The following PDE3A variants were observed in gnomAD, a reference collection of about 807,000 sequenced individuals.
The protein encoded by PDE3A is cGMP-inhibited 3',5'-cyclic phosphodiesterase 3A.
Under a neutral mutation model 98.3 loss-of-function variants are expected in PDE3A, and 43 were observed. The ratio of observed to expected loss-of-function variants is 0.44; its 90% CI spans 0.34 to 0.56. The LOEUF (loss-of-function observed/expected upper bound fraction) is 0.56. Ranked by LOEUF, PDE3A falls within the 20% of genes least tolerant of loss-of-function variation. The pLI is 0.01. For synonymous variants in PDE3A, 663 were observed against 567.9 expected (o/e 1.17, Z -2.38); for missense variants, 1,427 against 1,440.7 (o/e 0.99, Z 0.15).
rs111275161 is a variant in PDE3A, at chr12:20,565,088, T to G, written c.1011+8378T>G. On this transcript the variant is annotated intron_variant, in intron 2 of 15. Coordinates refer to ENST00000359062, the MANE Select transcript of PDE3A (RefSeq NM_000921.5). ...TTAAGCCACAGTTTCTGACCACTGT[T>G]GCAGTTGTGACTTTTCTTATATTCT... Among the ~76,000 whole-genome samples, 639 of 152,236 alleles carry G rather than the reference T, an allele frequency of 4.2e-3. 7 individuals carry two copies. Among genetic ancestry groups the G allele is most frequent in the African/African-American group, 0.015 (614 of 41,578 alleles).
intron 1 of PDE3A, among the ~76,000 whole-genome samples, chr12:20,522,290 C>T (rs556344786): frequency 1.3e-5 from 2 of 152,230 alleles, no homozygotes; most frequent in Non-Finnish European, 2.9e-5. Flanking sequence ...GTGTGGTTCC[C>T]AGATCATTAG....
chr12:20,565,120 C>T (rs1343984177), intron 2 of PDE3A, among the ~76,000 whole-genome samples: 1 of 152,052 alleles, frequency 6.6e-6, no homozygotes, highest in Non-Finnish European at 1.5e-5. Context: ...TTCTTTCCCC[C>T]AGATAGCTTA....
intron 2 of PDE3A, among the ~76,000 whole-genome samples, chr12:20,577,214 A>G (rs914649529): frequency 2.0e-5 from 3 of 152,146 alleles, no homozygotes; most frequent in African/African-American, 7.2e-5. Context: ...GGTGTGAAAC[A>G]GTGGTGCTTT....
At chr12:20,423,619 C>G (rs1263213325) in intron 1 of PDE3A, among the ~76,000 whole-genome samples, 2 of 152,150 alleles carry the variant, frequency 1.3e-5, no homozygotes, top group Non-Finnish European at 2.9e-5. Context: ...TAAGTGGACT[C>G]TCATGCGTAA....
At chr12:20,450,461 A>C (rs1053476801) in intron 1 of PDE3A, among the ~76,000 whole-genome samples, 1 of 152,260 alleles carries the variant, frequency 6.6e-6, no homozygotes, top group African/African-American at 2.4e-5. Flanking sequence ...TATTGAGCCC[A>C]CTGGACACCA....
intron 1 of PDE3A, among the ~76,000 whole-genome samples, chr12:20,386,202 A>ACAATATATAT (rs1943795462): frequency 1.6e-5 from 1 of 61,430 alleles, no homozygotes; most frequent in African/African-American, 6.1e-5. Context: ...TAAATATATA[A>ACAATATATAT]AAATATATAT....
Position 20,687,396 on chromosome 12 carries a change from C to T in PDE3A, c.*7125C>T, listed in dbSNP as rs186411601. 1.3e-5 allele frequency among the ~76,000 whole-genome samples: 2 copies of T among 151,976 alleles called. No individual in the cohort carries two copies. Among genetic ancestry groups the T allele is most frequent in the East Asian group, 3.9e-4 (2 of 5,162 alleles). On this transcript the variant is annotated 3_prime_UTR_variant, in exon 16 of 16. Coordinates refer to ENST00000359062, the MANE Select transcript of PDE3A (RefSeq NM_000921.5). ...TTACCTGTTAGTGAGGTTTTAATGG[C>T]TTTACTTAATACATATTTGTTCATC...
At position 20,682,248 on chromosome 12, in the gene PDE3A, T is replaced by G; in HGVS notation, c.*1977T>G. On this transcript the variant is annotated 3_prime_UTR_variant, in exon 16 of 16. Coordinates refer to ENST00000359062, the MANE Select transcript of PDE3A (RefSeq NM_000921.5). The stretch of plus-strand genomic sequence containing the variant: ...CTGTTTGTTATGATTCTTCCTTGAG[T>G]ACTTATATACAGACCTGCTCATTAT... 6.6e-6 allele frequency: 1 copy of G among 152,218 alleles called. No homozygotes were observed. Among genetic ancestry groups the G allele is most frequent in the South Asian group, 2.1e-4 (1 of 4,832 alleles). The allele number at this position is 152,218 out of a possible 1,614,324, so 9.4% of individuals were successfully genotyped here. A position where few individuals can be genotyped will look rare whatever the true frequency, so the allele number is the denominator to read the frequency against.
intron 15 of PDE3A, among the ~76,000 whole-genome samples, chr12:20,661,143 T>C (rs780674115): frequency 1.3e-5 from 2 of 152,292 alleles, no homozygotes; most frequent in East Asian, 3.9e-4. Flanking sequence ...TGTTCTGTTT[T>C]AGCAAAGAGA....
chr12:20,503,168 C>T (rs1946053970), intron 1 of PDE3A, among the ~76,000 whole-genome samples: 1 of 151,834 alleles, frequency 6.6e-6, no homozygotes, highest in African/African-American at 2.4e-5. Context: ...TTTTCCCAAA[C>T]TTAATGTATT....
chr12:20,383,371 A>C (rs750928374), intron 1 of PDE3A, among the ~76,000 whole-genome samples: 1 of 151,930 alleles, frequency 6.6e-6, no homozygotes, highest in Non-Finnish European at 1.5e-5. Flanking sequence ...TTATTCTCAA[A>C]TGACAGGGAC....
intron 1 of PDE3A, among the ~76,000 whole-genome samples, chr12:20,410,492 T>G (rs1397900870): frequency 2.0e-5 from 3 of 152,188 alleles, no homozygotes; most frequent in Non-Finnish European, 4.4e-5. Flanking sequence ...ATTCTTACTC[T>G]ACTTCTTCCT....
intron 4 of PDE3A, 97 bp downstream of exon 4, chr12:20,616,481 T>TGTAA: frequency 9.2e-6 from 11 of 1,195,030 alleles, no homozygotes; most frequent in African/African-American, 1.5e-5. Flanking sequence ...ACCAATTACA[T>TGTAA]TTGGTTGGAG....
chr12:20,395,546 T>A (rs1422481253), intron 1 of PDE3A, among the ~76,000 whole-genome samples: 1 of 147,096 alleles, frequency 6.8e-6, no homozygotes, highest in East Asian at 2.0e-4. Flanking sequence ...ATATGTATAC[T>A]ATGTGTACAC....
intron 2 of PDE3A, among the ~76,000 whole-genome samples, chr12:20,598,166 C>CT (rs947551408): frequency 6.6e-6 from 1 of 150,384 alleles, no homozygotes; most frequent in African/African-American, 2.5e-5. Context: ...ACTTTTATTT[C>CT]TTTTTTTAAT....
chr12:20,454,087 C>T (rs1049073652), intron 1 of PDE3A, among the ~76,000 whole-genome samples: 4 of 145,690 alleles, frequency 2.7e-5, no homozygotes, highest in South Asian at 2.1e-4. Context: ...GAAGCTCAGC[C>T]GTCATCTGTC....
chr12:20,639,008 A>G (rs1035684830), intron 9 of PDE3A, among the ~76,000 whole-genome samples: 1 of 152,030 alleles, frequency 6.6e-6, no homozygotes, highest in African/African-American at 2.4e-5. Context: ...CATTCATTCA[A>G]TTGCTTCTCA....
chr12:20,563,099 G>A (rs1352063151), intron 2 of PDE3A, among the ~76,000 whole-genome samples: 1 of 152,158 alleles, frequency 6.6e-6, no homozygotes, highest in African/African-American at 2.4e-5. Flanking sequence ...ATAATGTTAA[G>A]TCTCAAGGAT....
At chr12:20,467,115 A>T (rs1481933761) in intron 1 of PDE3A, among the ~76,000 whole-genome samples, 1 of 152,030 alleles carries the variant, frequency 6.6e-6, no homozygotes, top group Non-Finnish European at 1.5e-5. Context: ...AGGTACATTA[A>T]TTTTTTCTAT....
Sources: allele counts gnomAD v4.1 joint callset (sites outside exome capture counted in the v4.1 genomes callset), GRCh38; gene constraint gnomAD v4.1.1; transcripts MANE v1.5; gene names NCBI Gene and HGNC (gene_info 2026-07-23, HGNC 2026-07-21).